Variants in RNF139 observed in about 807,000 individuals in gnomAD.
The protein encoded by RNF139 is ring finger protein 139.
In RNF139, 15 loss-of-function variants were observed where a neutral mutation model predicts 49.5. That is an observed-to-expected ratio of 0.30 (90% CI 0.20 to 0.47). The LOEUF (loss-of-function observed/expected upper bound fraction) is 0.47. Among genes scored for constraint, RNF139 ranks in the 20% least tolerant of loss-of-function variants. The pLI is 1.00. For missense variants in RNF139, 619 were observed against 806.3 expected (o/e 0.77, Z 2.81); for synonymous variants, 325 against 300.9 (o/e 1.08, Z -0.83).
Position 124,486,752 on chromosome 8 carries a change from A to G in RNF139, c.1103A>G (p.His368Arg). ...TTAACTGCAGTCCTGCATTTTATCC[A>G]TGGAATGACAGACCCTGTATTAATG... ...LLLTAVLHFI[H>R]GMTDPVLMSL... The change falls in exon 2 of 2, where the codon CAT becomes CGT. Residue 368 changes from histidine to arginine, a missense_variant. Coordinates refer to ENST00000303545, the MANE Select transcript of RNF139 (RefSeq NM_007218.4). The G allele has an allele frequency of 6.2e-7, 1 of 1,613,938 alleles. No homozygotes were observed. Among genetic ancestry groups the G allele is most frequent in the Non-Finnish European group, 8.5e-7 (1 of 1,179,978 alleles).
chr8:124,474,902 GCCGCCGCCCTCTCGGCCATCGCTGCCT>G lies in RNF139; in HGVS notation c.-199_-173del. The stretch of plus-strand genomic sequence containing the variant: ...CCCAGAGACCTCCTGGGGAGCCGCC[GCCGCCGCCCTCTCGGCCATCGCTGCCT>G]CCGCCGCCTGCTCCACCTCGAGGGA... On this transcript the variant is annotated 5_prime_UTR_variant, in exon 1 of 2. Transcript: ENST00000303545. This position sits in a 1 kb window ranked among gnomAD's most constrained non-coding sequence, Gnocchi z 4.6. The G allele has an allele frequency of 3.0e-6, 1 of 327,978 alleles. No individual in the cohort carries two copies. The highest frequency in any genetic ancestry group is 5.4e-6 in the Non-Finnish European group (1 of 183,722). 20.3% of individuals were successfully genotyped at this position (327,978 alleles called of 1,614,324 possible).
At chr8:124,484,781 CAT>C (rs1231369204) in intron 1 of RNF139, among the ~76,000 whole-genome samples, 1 of 152,116 alleles carries the variant, frequency 6.6e-6, no homozygotes. Flanking sequence ...TTTCTAAAAA[CAT>C]GTCTTGGTTT....
intron 1 of RNF139, among the ~76,000 whole-genome samples, chr8:124,480,765 T>C (rs544282372): frequency 1.3e-5 from 2 of 152,274 alleles, no homozygotes; most frequent in African/African-American, 4.8e-5. Context: ...ATCACTGGGC[T>C]GATTCCCCTG....
intron 1 of RNF139, among the ~76,000 whole-genome samples, chr8:124,482,037 T>G (rs966305211): frequency 8.5e-5 from 13 of 152,126 alleles, no homozygotes; most frequent in African/African-American, 2.9e-4. Context: ...AAACATATAC[T>G]ATTCTTGAAA....
intron 1 of RNF139, 23 bp downstream of exon 1, chr8:124,475,313 G>A: frequency 6.3e-7 from 1 of 1,591,398 alleles, no homozygotes; most frequent in South Asian, 1.1e-5. Context: ...GGTACCGTAC[G>A]TCCCGGGACG....
At chr8:124,478,521 T>G (rs1240562982) in intron 1 of RNF139, among the ~76,000 whole-genome samples, 1 of 149,216 alleles carries the variant, frequency 6.7e-6, no homozygotes, top group Non-Finnish European at 1.5e-5. Context: ...GGCACGAGAA[T>G]CTCTCGAATC....
At position 124,487,152 on chromosome 8, in the gene RNF139, C is replaced by T; in HGVS notation, c.1503C>T (p.Cys501=). ...GTAAAATTCGGGCTTTTATGATGTG[C>T]CTACATGCATATTTTAACATCTACT... ...SGSKIRAFMM[C]LHAYFNIYLQ... is the part of the protein sequence containing the mutation. The change falls in exon 2 of 2, where the codon TGC becomes TGT. Residue 501 remains cysteine, a synonymous_variant. Transcript: ENST00000303545. The T allele has an allele frequency of 6.2e-7, 1 of 1,613,780 alleles. No individual in the cohort carries two copies. Among genetic ancestry groups the T allele is most frequent in the Non-Finnish European group, 8.5e-7 (1 of 1,179,974 alleles).
At position 124,482,672 on chromosome 8, in the gene RNF139, A is replaced by T. The variant is rs1319009575; in HGVS notation, c.182-3159A>T. On this transcript the variant is annotated intron_variant, in intron 1 of 1. Transcript: ENST00000303545. Reference sequence around the variant, plus strand: ...CCGAGCGCAGTGGCTCACGCCTATAATCGCAGTAGTTTGGGAGGCCGAAGC... The same window carrying T: ...CCGAGCGCAGTGGCTCACGCCTATATTCGCAGTAGTTTGGGAGGCCGAAGC... Among the ~76,000 whole-genome samples the T allele has an allele frequency of 2.0e-5, 3 of 151,896 alleles. No individual in the cohort carries two copies. In the East Asian group the frequency reaches 5.8e-4, roughly 29 times the overall value.
chr8:124,482,222 C>G (rs544926602), intron 1 of RNF139, among the ~76,000 whole-genome samples: 5 of 152,112 alleles, frequency 3.3e-5, no homozygotes, highest in African/African-American at 9.6e-5. Context: ...CAAAATGGCA[C>G]TTTTTCACTA....
At position 124,488,298 on chromosome 8, in the gene RNF139, A is replaced by G. The variant is rs924890426; in HGVS notation, c.*654A>G. On this transcript the variant is annotated 3_prime_UTR_variant, in exon 2 of 2. Coordinates refer to ENST00000303545, the MANE Select transcript of RNF139 (RefSeq NM_007218.4). ...CTAAATGTTTTTTATGTAAAATTGT[A>G]TATTTGTTAGCCATTCTGTGTCTGC... Among the ~76,000 whole-genome samples the G allele has an allele frequency of 6.6e-6, 1 of 152,220 alleles. No homozygotes were observed. Among genetic ancestry groups the G allele is most frequent in the Admixed American group, 6.5e-5 (1 of 15,284 alleles).
chr8:124,475,386 T>C, intron 1 of RNF139, 96 bp downstream of exon 1: 3 of 1,277,826 alleles, frequency 2.3e-6, no homozygotes, highest in Non-Finnish European at 3.3e-6. Context: ...GGGTCGAGTA[T>C]GTGTCTTTGG....
Position 124,484,255 on chromosome 8 carries a change from A to G in RNF139, c.182-1576A>G, listed in dbSNP as rs77877010. 4.3e-4 allele frequency among the ~76,000 whole-genome samples: 65 copies of G among 152,316 alleles called. No individual in the cohort carries two copies. In the East Asian group the frequency reaches 5.6e-3, roughly 13 times the overall value. On this transcript the variant is annotated intron_variant, in intron 1 of 1. Coordinates refer to ENST00000303545, the MANE Select transcript of RNF139 (RefSeq NM_007218.4). ...TGTGTGTTAGGAGGAATATTACTGT[A>G]AAGCAAATTGGGTTCTTGAATGCCA...
Position 124,487,621 on chromosome 8 carries a change from GAATTT to G in RNF139, c.1976_1980del (p.Phe659Ter). The stretch of plus-strand genomic sequence containing the variant: ...TCAGCACACAGGCGCAGCAGCTGAA[GAATTT>G]AATGATGATACTGACTGATGAAAAT... On this transcript the variant is annotated frameshift_variant, in exon 2 of 2. Coordinates refer to ENST00000303545, the MANE Select transcript of RNF139 (RefSeq NM_007218.4). LOFTEE classifies it high-confidence loss of function. 6.2e-7 allele frequency: 1 copy of G among 1,604,978 alleles called. No homozygotes were observed. The highest frequency in any genetic ancestry group is 8.5e-7 in the Non-Finnish European group (1 of 1,174,934).
chr8:124,486,168 C>T lies in RNF139; in HGVS notation c.519C>T (p.His173=), dbSNP rs1277990178. 1 of 1,614,180 alleles carries T rather than the reference C, an allele frequency of 6.2e-7. No homozygotes were observed. Among genetic ancestry groups the T allele is most frequent in the Admixed American group, 1.7e-5 (1 of 60,022 alleles). The stretch of plus-strand genomic sequence containing the variant: ...GCTTAATCACAGAGCTACCATTACA[C>T]ATCAGAGAGACTTTACTGTTTACTT... ...VIGLITELPL[H]IRETLLFTSS... is the part of the protein sequence containing the mutation. Residue 173 remains histidine (H), a synonymous_variant, in exon 2 of 2, where the codon CAC becomes CAT. Coordinates refer to ENST00000303545, the MANE Select transcript of RNF139 (RefSeq NM_007218.4).
rs946994943 is a variant in RNF139 at position 124,475,037 on chromosome 8, C to A, written c.-73C>A. The A allele has an allele frequency of 1.8e-6, 2 of 1,092,694 alleles. No individual in the cohort carries two copies. Among genetic ancestry groups the A allele is most frequent in the African/African-American group, 3.3e-5 (2 of 60,742 alleles). 67.7% of individuals were successfully genotyped at this position (1,092,694 alleles called of 1,614,324 possible). On this transcript the variant is annotated 5_prime_UTR_variant, in exon 1 of 2. Coordinates refer to ENST00000303545, the MANE Select transcript of RNF139 (RefSeq NM_007218.4). ...CGGAGTTGCCCGCCTTAGCCCCCGC[C>A]CCCGGCCGCGGCCCCGGGCCCTGCC...
intron 1 of RNF139, among the ~76,000 whole-genome samples, chr8:124,484,857 TCAGCATTATA>T (rs970891530): frequency 6.6e-6 from 1 of 152,094 alleles, no homozygotes; most frequent in African/African-American, 2.4e-5. Context: ...AGAAACAGAT[TCAGCATTATA>T]CAGGAAAAAG....
In RNF139 at chr8:124,487,669, G is replaced by T. The variant is rs1816564915; in HGVS notation, c.*25G>T. The T allele has an allele frequency of 6.4e-7, 1 of 1,561,294 alleles. No homozygotes were observed. Among genetic ancestry groups the T allele is most frequent in the African/African-American group, 1.4e-5 (1 of 73,130 alleles). ...ATGAAAATAGCATTTATTAATGATT[G>T]AGGTATTTGTTTAAAATTCAGTTCA... On this transcript the variant is annotated 3_prime_UTR_variant, in exon 2 of 2. Transcript: ENST00000303545.
Position 124,475,240 on chromosome 8 carries a change from C to T in RNF139, c.131C>T (p.Ser44Phe). The change falls in exon 1 of 2, where the codon TCC (serine) becomes TTC (phenylalanine). Residue 44 changes from serine to phenylalanine, a missense_variant. Physicochemically the swap from Ser to Phe is radical, Grantham distance 155. Around this residue, in one of 2 missense-constraint regions of RNF139, gnomAD observed 89 missense variants for 77.5 expected, o/e 1.15. Transcript: ENST00000303545. ...GCCATCTTCAACTCCTACCCGGATT[C>T]CAGCCAAAGCCGGTTCTGCATCGTG... ...IDAIFNSYPD[S>F]SQSRFCIVLQ... 6.2e-7 allele frequency: 1 copy of T among 1,613,650 alleles called. No individual in the cohort carries two copies. The highest frequency in any genetic ancestry group is 8.5e-7 in the Non-Finnish European group (1 of 1,179,750).
chr8:124,475,452 G>T (rs72713053), intron 1 of RNF139, among the ~76,000 whole-genome samples, 162 bp downstream of exon 1: 13,185 of 152,280 alleles, frequency 0.087, 649 homozygotes, highest in East Asian at 0.16. Flanking sequence ...GGGGGAAGGA[G>T]ATGATACTTG....
Sources: allele counts gnomAD v4.1 joint callset (sites outside exome capture counted in the v4.1 genomes callset), GRCh38; gene constraint gnomAD v4.1.1; regional missense constraint gnomAD v4.1.1; non-coding constraint Gnocchi (gnomAD v3.1); transcripts MANE v1.5; gene names NCBI Gene and HGNC (gene_info 2026-07-23, HGNC 2026-07-21).